NMT2: variants seen among roughly 807,000 people sequenced by gnomAD.
NMT2 encodes the protein N-myristoyltransferase 2.
NMT2 carries 35 observed loss-of-function variants against 65.4 expected under a neutral mutation model. That is an observed-to-expected ratio of 0.54 (90% CI 0.41 to 0.71). The LOEUF (loss-of-function observed/expected upper bound fraction) is 0.71. Among genes scored for constraint, NMT2 ranks in the 30% least tolerant of loss-of-function variants. NMT2 has a pLI of 0.00. For missense variants in NMT2, 489 were observed against 611.3 expected (o/e 0.80, Z 2.11); for synonymous variants, 226 against 231.8 (o/e 0.98, Z 0.23).
intron 1 of NMT2, chr10:15,154,959 A>G (rs754184114): frequency 2.7e-6 from 3 of 1,117,728 alleles, no homozygotes; most frequent in Non-Finnish European, 4.1e-6. Context: ...GCAGATGAAA[A>G]TCTGGGAATC....
At chr10:15,148,346 C>T (rs950366492) in intron 1 of NMT2, among the ~76,000 whole-genome samples, 8 of 151,998 alleles carry the variant, frequency 5.3e-5, no homozygotes, top group Non-Finnish European at 1.0e-4. Context: ...CTAGTCTTTA[C>T]AAAAAATAAA....
rs1358073569 is a variant in NMT2, at chr10:15,112,862, G to C, written c.1272C>G (p.Phe424Leu). 1 of 1,614,164 alleles carries C rather than the reference G, an allele frequency of 6.2e-7. No individual in the cohort carries two copies. The highest frequency in any genetic ancestry group is 8.5e-7 in the Non-Finnish European group (1 of 1,180,018). The change falls in exon 10 of 12, where the codon TTC becomes TTG. Residue 424 changes from phenylalanine (F) to leucine (L), a missense_variant. By Grantham distance (22) the Phe-to-Leu change is conservative (BLOSUM62 0). Transcript: ENST00000378165. ...GGGGCGTCTCTGTGTGGATGTTGTA[G>C]AATGAGTAGGCGGCTTTGAGGCTCT... is the stretch of plus-strand genomic sequence containing the variant. ...AHKSLKAAYSFYNIHTETPLL... is the reference protein window; with the variant it reads ...AHKSLKAAYSLYNIHTETPLL...
intron 2 of NMT2, among the ~76,000 whole-genome samples, chr10:15,139,297 C>CT (rs1564577442): frequency 1.9e-4 from 23 of 118,190 alleles, no homozygotes; most frequent in African/African-American, 3.5e-4. Flanking sequence ...TCTATCTATC[C>CT]ATCCATCCAT....
chr10:15,130,404 A>G, intron 6 of NMT2, 92 bp from the exon 7 acceptor site: 4 of 961,672 alleles, frequency 4.2e-6, no homozygotes, highest in East Asian at 5.9e-5. Flanking sequence ...TACCCAGGAA[A>G]TATCCAAGAA....
intron 6 of NMT2, among the ~76,000 whole-genome samples, chr10:15,131,223 C>G (rs1488545834): frequency 6.6e-6 from 1 of 152,118 alleles, no homozygotes; most frequent in African/African-American, 2.4e-5. Context: ...GGCTCCAACC[C>G]TCTTGTTCTA....
intron 10 of NMT2, among the ~76,000 whole-genome samples, chr10:15,112,382 C>G (rs553931409): frequency 2.0e-5 from 3 of 150,072 alleles, no homozygotes; most frequent in East Asian, 2.0e-4. Flanking sequence ...GCACACACCA[C>G]GAAGCCTGGC....
In NMT2 at chr10:15,114,440, T is replaced by TA. The variant is rs553070361; in HGVS notation, c.1171-1478dup. Among the ~76,000 whole-genome samples, 19 of 151,938 alleles carry TA rather than the reference T, an allele frequency of 1.3e-4. No individual in the cohort carries two copies. In the South Asian group the frequency reaches 3.3e-3, roughly 27 times the overall value. On this transcript the variant is annotated intron_variant, in intron 9 of 11. Coordinates refer to ENST00000378165, the MANE Select transcript of NMT2 (RefSeq NM_004808.3). ...ACACCCAATCAATTGTAAAGACTGA[T>TA]AAAAAACAAAACAAAACAAAACAAA...
At chr10:15,105,762 ACTAT>A (rs1845279034), downstream of NMT2, among the ~76,000 whole-genome samples, 1 of 152,236 alleles carries the variant, frequency 6.6e-6, no homozygotes, top group Non-Finnish European at 1.5e-5. Flanking sequence ...TCTACAAGAA[ACTAT>A]CCATTGCATT....
At chr10:15,160,570 T>C (rs907411605) in intron 1 of NMT2, among the ~76,000 whole-genome samples, 1 of 151,272 alleles carries the variant, frequency 6.6e-6, no homozygotes, top group East Asian at 2.0e-4. Flanking sequence ...AGGTCAGGAG[T>C]TCGAGACCAG....
chr10:15,167,132 A>G (rs548902658), intron 1 of NMT2, among the ~76,000 whole-genome samples: 8 of 152,322 alleles, frequency 5.3e-5, no homozygotes, highest in African/African-American at 1.9e-4. Context: ...CTATCCCTGC[A>G]TAAACAGGGC....
intron 9 of NMT2, 139 bp from the exon 10 acceptor site, chr10:15,113,102 G>T: frequency 1.2e-6 from 1 of 863,544 alleles, no homozygotes; most frequent in Non-Finnish European, 1.8e-6. Context: ...CCAATTTGGG[G>T]CCCCTTATAT....
In NMT2 at chr10:15,125,278, G is replaced by C. The variant is rs144035292; in HGVS notation, c.999+3072C>G. 1.6e-3 allele frequency among the ~76,000 whole-genome samples: 249 copies of C among 152,308 alleles called. 1 individual carries two copies. The highest frequency in any genetic ancestry group is 5.6e-3 in the African/African-American group (234 of 41,574). On this transcript the variant is annotated intron_variant, in intron 8 of 11. Coordinates refer to ENST00000378165, the MANE Select transcript of NMT2 (RefSeq NM_004808.3). Reference sequence around the variant, plus strand: ...GGCAGTCACTATCACAGCACGACTGGAACAGGACTGCTACCAGGAACCCAG... The same window carrying C: ...GGCAGTCACTATCACAGCACGACTGCAACAGGACTGCTACCAGGAACCCAG...
chr10:15,141,530 T>C lies in NMT2; in HGVS notation c.138A>G (p.Lys46=), dbSNP rs1403031240. The C allele has an allele frequency of 5.0e-6, 8 of 1,613,902 alleles. No individual in the cohort carries two copies. The highest frequency in any genetic ancestry group is 1.6e-4 in the Middle Eastern group (1 of 6,062). The change falls in exon 2 of 12, where the codon AAA becomes AAG. Residue 46 remains lysine (K), a synonymous_variant. Transcript: ENST00000378165. ...TTCTCTTCTGTTTCTTCTTTTTCTTTTTGGCTCCCAAATACCCTCCAGGAC... is the reference window on the plus strand; with the variant it reads ...TTCTCTTCTGTTTCTTCTTTTTCTTCTTGGCTCCCAAATACCCTCCAGGAC... ...KGSPGGYLGA[K]KKKKKQKRKK... is the part of the protein sequence containing the mutation.
intron 1 of NMT2, among the ~76,000 whole-genome samples, chr10:15,151,258 T>C (rs1056787396): frequency 6.6e-6 from 1 of 152,172 alleles, no homozygotes; most frequent in Non-Finnish European, 1.5e-5. Flanking sequence ...GGTTTCTCCA[T>C]GTTGGTCAGG....
chr10:15,149,132 C>T (rs974263673), intron 1 of NMT2, among the ~76,000 whole-genome samples: 1 of 151,590 alleles, frequency 6.6e-6, no homozygotes, highest in East Asian at 1.9e-4. Context: ...TCACCACCAT[C>T]GCCACTACCA....
chr10:15,111,665 CTTTTTA>C (rs950873160), intron 10 of NMT2: 8 of 151,352 alleles, frequency 5.3e-5, no homozygotes, highest in Non-Finnish European at 1.0e-4. Flanking sequence ...AGAAGAAGCA[CTTTTTA>C]TTTTTATTTC....
rs544253189 is a variant in NMT2 at position 15,135,491 on chromosome 10, A to G, written c.247-73T>C. 40 of 1,479,612 alleles carry G rather than the reference A, an allele frequency of 2.7e-5. 1 individual carries two copies. In the Admixed American group the frequency reaches 5.2e-4, roughly 19 times the overall value. 91.7% of individuals were successfully genotyped at this position (1,479,612 alleles called of 1,614,324 possible). On this transcript the variant is annotated intron_variant, in intron 2 of 11. Coordinates refer to ENST00000378165, the MANE Select transcript of NMT2 (RefSeq NM_004808.3). ...GTTAAACTTGAGCAGACGCACGTGC[A>G]TCTGCCTCAGAGACTACAATACCTA...
At position 15,148,603 on chromosome 10, in the gene NMT2, C is replaced by T. The variant is rs1319927320; in HGVS notation, c.111-7046G>A. On this transcript the variant is annotated intron_variant, in intron 1 of 11. Transcript: ENST00000378165. The stretch of plus-strand genomic sequence containing the variant: ...TAGTAGCTGGCACACAGAAATCATT[C>T]GGTACAAGCCAGCTATTATTATGAT... Among the ~76,000 whole-genome samples, 4 of 152,114 alleles carry T rather than the reference C, an allele frequency of 2.6e-5. 1 individual carries two copies. Among genetic ancestry groups the T allele is most frequent in the South Asian group, 2.1e-4 (1 of 4,824 alleles).
chr10:15,140,094 A>G (rs1436394567), intron 2 of NMT2, among the ~76,000 whole-genome samples: 1 of 151,618 alleles, frequency 6.6e-6, no homozygotes, highest in African/African-American at 2.4e-5. Context: ...TCACCCCTTG[A>G]GCTGTTTCCA....
Sources: gnomAD v4.1 joint callset for allele counts (sites outside exome capture counted in the v4.1 genomes callset) on GRCh38, gnomAD v4.1.1 for gene constraint, MANE v1.5 for transcripts, NCBI Gene and HGNC (gene_info 2026-07-23, HGNC 2026-07-21) for gene names.